Variants in CAST observed in about 807,000 individuals in gnomAD.
CAST encodes calpastatin, also known as MIR583 host.
CAST carries 76 observed loss-of-function variants against 119.6 expected under a neutral mutation model. That is an observed-to-expected ratio of 0.64 (90% CI 0.53 to 0.77). The LOEUF (loss-of-function observed/expected upper bound fraction) is 0.77, where lower values mean the gene tolerates loss of function less well. Among genes scored for constraint, CAST ranks in the 30% least tolerant of loss-of-function variants. The pLI is 0.00. For synonymous variants in CAST, 319 were observed against 331.6 expected (o/e 0.96, Z 0.41); for missense variants, 953 against 946.5 (o/e 1.01, Z -0.09).
chr5:96,634,510 T>C (rs1747861471), intron 1 of CAST, among the ~76,000 whole-genome samples: 1 of 152,218 alleles, frequency 6.6e-6, no homozygotes, highest in Non-Finnish European at 1.5e-5. Context: ...GAATGGACTC[T>C]TATCTTGACA....
the CAST span, among the ~76,000 whole-genome samples, chr5:96,022,191 C>T: frequency 1.3e-5 from 2 of 152,004 alleles, no homozygotes; most frequent in Non-Finnish European, 2.9e-5. Context: ...CTTTGGCGGT[C>T]CTGGAACAAA....
chr5:96,380,664 A>T, the CAST span, among the ~76,000 whole-genome samples: 6 of 152,226 alleles, frequency 3.9e-5, no homozygotes, highest in African/African-American at 1.2e-4. Flanking sequence ...AAGTGAAATT[A>T]AAGTTTCAGA....
chr5:96,159,719 G>A, the CAST span, among the ~76,000 whole-genome samples: 1 of 151,870 alleles, frequency 6.6e-6, no homozygotes, highest in Admixed American at 6.6e-5. Flanking sequence ...CACTATTTTT[G>A]TGTATTACCA....
chr5:96,598,793 T>A (rs1411991090), intron 1 of CAST, among the ~76,000 whole-genome samples: 1 of 152,190 alleles, frequency 6.6e-6, no homozygotes, highest in Non-Finnish European at 1.5e-5. Flanking sequence ...CCCAATCACA[T>A]GAAGGCCTGA....
At chr5:96,444,125 C>T in the CAST span, among the ~76,000 whole-genome samples, 2 of 152,302 alleles carry the variant, frequency 1.3e-5, no homozygotes, top group South Asian at 4.1e-4. Context: ...GAGTCCACCC[C>T]ACCTTGCCCC....
intron 1 of CAST, among the ~76,000 whole-genome samples, chr5:96,610,799 CT>C (rs1747346461): frequency 6.6e-6 from 1 of 152,120 alleles, no homozygotes; most frequent in South Asian, 2.1e-4. Flanking sequence ...AATCCCAGAC[CT>C]GATAGAAAAC....
chr5:96,403,269 TTTATTATTA>T, the CAST span, among the ~76,000 whole-genome samples: 1 of 152,184 alleles, frequency 6.6e-6, no homozygotes, highest in Non-Finnish European at 1.5e-5. Flanking sequence ...TTTTTCTTTT[TTTATTATTA>T]TTATACTTTA....
the CAST span, among the ~76,000 whole-genome samples, chr5:96,502,640 C>CTTTCTTTCTTT: frequency 1.3e-5 from 2 of 150,680 alleles, no homozygotes; most frequent in South Asian, 4.2e-4. Context: ...TTCTTTCTTT[C>CTTTCTTTCTTT]TTTCTTTCTT....
the CAST span, among the ~76,000 whole-genome samples, chr5:95,992,498 G>A: frequency 3.5e-3 from 527 of 151,460 alleles, 1 homozygote; most frequent in Non-Finnish European, 5.9e-3. Flanking sequence ...CACAAAATAC[G>A]TGATCAATAC....
chr5:96,189,989 C>T, the CAST span, among the ~76,000 whole-genome samples: 2 of 152,244 alleles, frequency 1.3e-5, no homozygotes, highest in East Asian at 3.9e-4. Flanking sequence ...GTAGTCCTTG[C>T]TTATCAGTTC....
chr5:96,519,016 G>A, the CAST span, among the ~76,000 whole-genome samples: 3 of 152,028 alleles, frequency 2.0e-5, no homozygotes, highest in Admixed American at 6.6e-5. Context: ...AGCTGAGATC[G>A]CGCCACAGCC....
chr5:96,184,906 C>A, the CAST span, among the ~76,000 whole-genome samples: 1 of 152,044 alleles, frequency 6.6e-6, no homozygotes, highest in Non-Finnish European at 1.5e-5. Flanking sequence ...GTATTTCTGC[C>A]TCTAGGTTTT....
At chr5:96,673,153 ATTAC>A (rs974545940) in intron 1 of CAST, among the ~76,000 whole-genome samples, 10 of 152,228 alleles carry the variant, frequency 6.6e-5, no homozygotes, top group Admixed American at 3.3e-4. Flanking sequence ...GGCTATTATT[ATTAC>A]TTATGTAATC....
At chr5:96,033,028 CA>C in the CAST span, among the ~76,000 whole-genome samples, 6 of 152,028 alleles carry the variant, frequency 3.9e-5, no homozygotes, top group Non-Finnish European at 7.4e-5. Flanking sequence ...TATACTCTAA[CA>C]GCAAACTATC....
At chr5:96,767,559 TA>T in intron 28 of CAST, 77 bp downstream of exon 28, 1 of 1,048,944 alleles carries the variant, frequency 9.5e-7, no homozygotes, top group Non-Finnish European at 1.5e-6. Context: ...TTTAGAAAAC[TA>T]AAACATATTG....
At chr5:96,275,418 G>C in the CAST span, among the ~76,000 whole-genome samples, 1 of 152,320 alleles carries the variant, frequency 6.6e-6, no homozygotes, top group East Asian at 1.9e-4. Context: ...CAATGTTCAG[G>C]TCCAACAGAA....
intron 9 of CAST, among the ~76,000 whole-genome samples, chr5:96,735,747 G>A (rs1761501838): frequency 6.6e-6 from 1 of 152,232 alleles, no homozygotes; most frequent in Non-Finnish European, 1.5e-5. Flanking sequence ...AAGAGGAGGT[G>A]TTGAGATGCC....
chr5:96,349,900 G>C, the CAST span, among the ~76,000 whole-genome samples: 1 of 151,946 alleles, frequency 6.6e-6, no homozygotes, highest in Non-Finnish European at 1.5e-5. Flanking sequence ...CAGTGGCTTA[G>C]GTGAGAAATA....
chr5:96,694,055 G>A lies in CAST; in HGVS notation c.139-1781G>A, dbSNP rs866149377. On this transcript the variant is annotated intron_variant, in intron 2 of 31. Transcript: ENST00000675179. ...AAGTTTTGATTTTGGGGCATGCTAA[G>A]GCAAAATTTACCCTGAAGGGAAAGA... is the stretch of plus-strand genomic sequence containing the variant. Among the ~76,000 whole-genome samples the A allele has an allele frequency of 1.1e-4, 17 of 152,166 alleles. No individual in the cohort carries two copies. In the South Asian group the frequency reaches 2.9e-3, roughly 26 times the overall value.
Sources: gnomAD v4.1 joint callset for allele counts (sites outside exome capture counted in the v4.1 genomes callset) on GRCh38, gnomAD v4.1.1 for gene constraint, MANE v1.5 for transcripts, NCBI Gene and HGNC (gene_info 2026-07-23, HGNC 2026-07-21) for gene names.